EYS: variants seen among roughly 807,000 people sequenced by gnomAD.
The protein encoded by EYS is protein eyes shut homolog.
A neutral mutation model predicts 282.1 loss-of-function variants in EYS; 250 were observed. The observed-to-expected ratio is 0.89, with a 90% CI of 0.80 to 0.98. EYS has a LOEUF of 0.98. Ranked by LOEUF, EYS falls within the 50% of genes least tolerant of loss-of-function variation. The probability of loss-of-function intolerance (pLI) is 0.00; values close to 1 mark genes in which losing one functional copy is unlikely to be tolerated. For missense variants in EYS, 4,016 were observed against 3,709.0 expected (o/e 1.08, Z -2.15); for synonymous variants, 1,355 against 1,282.9 (o/e 1.06, Z -1.20).
chr6:65,106,587 T>C (rs1775045289), intron 12 of EYS, among the ~76,000 whole-genome samples: 1 of 152,068 alleles, frequency 6.6e-6, no homozygotes, highest in Admixed American at 6.6e-5. Context: ...TGTTTATCTG[T>C]TATGTTTTCC....
chr6:65,368,185 C>G (rs10455580), intron 8 of EYS, among the ~76,000 whole-genome samples: 1 of 151,334 alleles, frequency 6.6e-6, no homozygotes, highest in African/African-American at 2.4e-5. Flanking sequence ...GGGGTAACCG[C>G]CCCCATGATT....
chr6:65,445,260 T>A (rs1421075901), intron 5 of EYS, among the ~76,000 whole-genome samples: 1 of 151,910 alleles, frequency 6.6e-6, no homozygotes, highest in East Asian at 1.9e-4. Flanking sequence ...TGGAAAATGA[T>A]CACTTTTATT....
chr6:64,447,881 A>C (rs893715612), intron 26 of EYS, among the ~76,000 whole-genome samples: 2 of 152,260 alleles, frequency 1.3e-5, no homozygotes, highest in Non-Finnish European at 2.9e-5. Context: ...TCTCTTCACC[A>C]TGAAATGGAG....
At chr6:63,888,154 C>T (rs867266496) in intron 35 of EYS, among the ~76,000 whole-genome samples, 28 of 152,196 alleles carry the variant, frequency 1.8e-4, no homozygotes, top group African/African-American at 6.5e-4. Context: ...AGCTTATAGA[C>T]AAAACTCCCA....
intron 35 of EYS, among the ~76,000 whole-genome samples, chr6:63,938,324 C>T (rs1260820962): frequency 1.3e-5 from 2 of 152,022 alleles, no homozygotes; most frequent in Non-Finnish European, 2.9e-5. Context: ...ATAACTAGTC[C>T]TTATAGGATT....
At chr6:65,129,023 T>A (rs370725304) in intron 12 of EYS, among the ~76,000 whole-genome samples, 1 of 152,076 alleles carries the variant, frequency 6.6e-6, no homozygotes, top group East Asian at 1.9e-4. Flanking sequence ...TACAACCATT[T>A]CATCTTTGAC....
intron 28 of EYS, among the ~76,000 whole-genome samples, chr6:64,433,541 G>A (rs1322295127): frequency 6.6e-6 from 1 of 151,892 alleles, no homozygotes; most frequent in African/African-American, 2.4e-5. Flanking sequence ...CCAAAAACCT[G>A]AGAAGAAATA....
intron 14 of EYS, among the ~76,000 whole-genome samples, chr6:64,948,553 ATTAATATTTAATAT>A (rs1769373166): frequency 7.2e-6 from 1 of 138,744 alleles, no homozygotes; most frequent in Non-Finnish European, 1.6e-5. Context: ...TATAATTAAT[ATTAATATTTAATAT>A]TTTAATATTA....
intron 31 of EYS, among the ~76,000 whole-genome samples, chr6:64,118,822 T>C (rs959121156): frequency 2.6e-5 from 4 of 151,602 alleles, no homozygotes; most frequent in Non-Finnish European, 4.4e-5. Flanking sequence ...TACAAGAAAC[T>C]CAAAAAAACT....
intron 22 of EYS, among the ~76,000 whole-genome samples, chr6:64,734,877 C>G (rs1352338319): frequency 6.6e-6 from 1 of 152,018 alleles, no homozygotes; most frequent in African/African-American, 2.4e-5. Context: ...TTCTCATTAA[C>G]TATGATTTCA....
intron 19 of EYS, among the ~76,000 whole-genome samples, chr6:64,836,636 T>A (rs1349985120): frequency 1.3e-5 from 2 of 151,508 alleles, no homozygotes; most frequent in Admixed American, 6.6e-5. Flanking sequence ...CTATTGAAAA[T>A]AGCAATATCC....
At chr6:65,508,588 G>A (rs1045254151) in intron 2 of EYS, among the ~76,000 whole-genome samples, 1 of 149,478 alleles carries the variant, frequency 6.7e-6, no homozygotes, top group East Asian at 2.0e-4. Context: ...GCAAGGGAAT[G>A]ATGTGAACCT....
chr6:65,587,007 G>T (rs1765073166), intron 2 of EYS, among the ~76,000 whole-genome samples: 1 of 151,846 alleles, frequency 6.6e-6, no homozygotes, highest in Admixed American at 6.6e-5. Flanking sequence ...AGAAGACAAA[G>T]ATTATTAAAA....
chr6:64,901,498 T>G (rs4710510), intron 18 of EYS, among the ~76,000 whole-genome samples: 150,450 of 151,736 alleles, frequency 0.99, 74,590 homozygotes, highest in Middle Eastern at 1. Flanking sequence ...TCCCTGCTAA[T>G]AATACAAAAA....
At chr6:65,548,351 T>A (rs974255922) in intron 2 of EYS, among the ~76,000 whole-genome samples, 5 of 152,308 alleles carry the variant, frequency 3.3e-5, no homozygotes, top group African/African-American at 1.2e-4. Flanking sequence ...TTATCAATTA[T>A]GGCAACTTCT....
Position 63,956,767 on chromosome 6 carries a change from C to A in EYS, c.7055+27616G>T, listed in dbSNP as rs181453452. ...CTGCAAGTTTAACACGTATTTCCCA[C>A]ACATACTGCCTTTTGAAATGTGCAA... is the stretch of plus-strand genomic sequence containing the variant. On this transcript the variant is annotated intron_variant, in intron 35 of 42. Transcript: ENST00000503581. 1.1e-4 allele frequency among the ~76,000 whole-genome samples: 16 copies of A among 152,278 alleles called. No individual in the cohort carries two copies. In the East Asian group the frequency reaches 2.7e-3, roughly 26 times the overall value.
chr6:65,321,243 G>A (rs1769467877), intron 11 of EYS, among the ~76,000 whole-genome samples: 1 of 151,958 alleles, frequency 6.6e-6, no homozygotes, highest in African/African-American at 2.4e-5. Flanking sequence ...TGTTTCATTG[G>A]AAGGCCTGGA....
intron 22 of EYS, among the ~76,000 whole-genome samples, chr6:64,708,118 A>G (rs1230483111): frequency 6.6e-6 from 1 of 152,236 alleles, no homozygotes. Flanking sequence ...AAACAAGTGT[A>G]AGTATAAGAT....
chr6:64,964,362 C>T (rs1004266129), intron 14 of EYS, among the ~76,000 whole-genome samples: 4 of 151,874 alleles, frequency 2.6e-5, no homozygotes, highest in South Asian at 2.1e-4. Flanking sequence ...TTCCTTATTC[C>T]TTAAAGGAAA....
Sources: allele counts gnomAD v4.1 joint callset (sites outside exome capture counted in the v4.1 genomes callset), GRCh38; gene constraint gnomAD v4.1.1; transcripts MANE v1.5; gene names NCBI Gene and HGNC (gene_info 2026-07-23, HGNC 2026-07-21).